Variants in SH2B2 observed in about 807,000 individuals in gnomAD.
SH2B2 encodes SH2B adapter protein 2.
A neutral mutation model predicts 35.7 loss-of-function variants in SH2B2; 37 were observed. The ratio of observed to expected loss-of-function variants is 1.04; its 90% confidence interval spans 0.80 to 1.36. The LOEUF is 1.36. SH2B2 is among the 40% of genes most tolerant of loss of function. The pLI is 0.00. For synonymous variants in SH2B2, 383 were observed against 376.4 expected (o/e 1.02, Z -0.20); for missense variants, 852 against 817.7 (o/e 1.04, Z -0.51).
chr7:102,285,207 C>A, upstream of SH2B2: 6 of 1,551,286 alleles, frequency 3.9e-6, no homozygotes, highest in Non-Finnish European at 3.5e-6. Flanking sequence ...TCAGGACCCT[C>A]TCTGGCCGCT....
chr7:102,307,371 C>T (rs1223297630), intron 3 of SH2B2, among the ~76,000 whole-genome samples: 1 of 152,210 alleles, frequency 6.6e-6, no homozygotes, highest in Non-Finnish European at 1.5e-5. Context: ...GAGCTGTGGT[C>T]CCTGGGCATC....
chr7:102,309,294 C>T (rs1463369194), intron 4 of SH2B2: 2 of 388,460 alleles, frequency 5.1e-6, no homozygotes, highest in East Asian at 6.9e-5. Flanking sequence ...GGGAGGACCG[C>T]TTGAGCCAGG....
intron 2 of SH2B2, among the ~76,000 whole-genome samples, chr7:102,304,789 A>G (rs1289983243): frequency 6.6e-6 from 1 of 152,212 alleles, no homozygotes; most frequent in Non-Finnish European, 1.5e-5. Flanking sequence ...GGCCGGCACG[A>G]TGGCCACACA....
intron 4 of SH2B2, among the ~76,000 whole-genome samples, chr7:102,313,954 G>A (rs893539981): frequency 1.7e-4 from 26 of 152,106 alleles, no homozygotes; most frequent in Non-Finnish European, 8.8e-5. Context: ...ACTACGTTTT[G>A]GGAAAAGGGG....
chr7:102,310,854 A>T (rs1554555915), intron 4 of SH2B2, among the ~76,000 whole-genome samples: 1 of 152,056 alleles, frequency 6.6e-6, no homozygotes, highest in South Asian at 2.1e-4. Context: ...TCATGTCACA[A>T]ATCGGGAGAG....
At chr7:102,313,318 C>T (rs1311798874) in intron 4 of SH2B2, among the ~76,000 whole-genome samples, 1 of 151,050 alleles carries the variant, frequency 6.6e-6, no homozygotes, top group African/African-American at 2.4e-5. Flanking sequence ...CATGGTGGCG[C>T]ATGCTTGTGA....
chr7:102,290,618 C>T (rs1320643072), intron 1 of SH2B2, among the ~76,000 whole-genome samples: 1 of 152,228 alleles, frequency 6.6e-6, no homozygotes, highest in Non-Finnish European at 1.5e-5. Context: ...GTCTGACACA[C>T]AGTGGGAGCT....
intron 1 of SH2B2, among the ~76,000 whole-genome samples, chr7:102,288,490 A>T (rs1449243943): frequency 6.6e-6 from 1 of 152,070 alleles, no homozygotes; most frequent in Non-Finnish European, 1.5e-5. Flanking sequence ...GCTTCTAGGT[A>T]ATCAAGGGTT....
rs1328579599 is a variant in SH2B2, at chr7:102,314,392, G to A, written c.980G>A (p.Arg327His). 4.8e-5 allele frequency: 19 copies of A among 398,704 alleles called. No homozygotes were observed. In the Admixed American group the frequency reaches 7.0e-4, roughly 15 times the overall value. 24.7% of individuals were successfully genotyped at this position (398,704 alleles called of 1,614,324 possible). ...ACCCGAGGAGGCTGTCTGGCCAGCC[G>A]CGTGGCCTCCTGCAGCTGTGAGCTC... ...SCTRGGCLAS[R>H]VASCSCELLT... The change falls in exon 5 of 9, where the codon CGC becomes CAC. Residue 327 changes from arginine (R) to histidine (H), a missense_variant. Transcript: ENST00000444095.
chr7:102,311,429 A>T (rs1293795730), intron 4 of SH2B2, among the ~76,000 whole-genome samples: 2 of 151,436 alleles, frequency 1.3e-5, no homozygotes, highest in African/African-American at 4.9e-5. Flanking sequence ...TAATTTTTAT[A>T]TTTTTAGCAG....
intron 1 of SH2B2, among the ~76,000 whole-genome samples, chr7:102,295,470 T>C (rs975344288): frequency 6.6e-6 from 1 of 152,112 alleles, no homozygotes; most frequent in African/African-American, 2.4e-5. Flanking sequence ...GCTCGTGACC[T>C]TCCCTGGAGG....
intron 1 of SH2B2, among the ~76,000 whole-genome samples, chr7:102,288,150 G>A (rs1345056933): frequency 6.6e-6 from 1 of 152,102 alleles, no homozygotes; most frequent in Non-Finnish European, 1.5e-5. Context: ...AGGGGGTGTG[G>A]TTTCCCCAAG....
chr7:102,317,046 C>G, intron 6 of SH2B2, 141 bp from the exon 7 acceptor site: 3 of 740,000 alleles, frequency 4.1e-6, no homozygotes, highest in Non-Finnish European at 4.2e-6. Flanking sequence ...AAACTAAAAA[C>G]CAACCAACTT....
At chr7:102,302,045 A>G (rs1400827583) in intron 2 of SH2B2, among the ~76,000 whole-genome samples, 1 of 152,212 alleles carries the variant, frequency 6.6e-6, no homozygotes, top group Non-Finnish European at 1.5e-5. Context: ...TTTTTCGTAA[A>G]GACGGGATCT....
rs1302062041 is a variant in SH2B2 at position 102,317,493 on chromosome 7, G to A, written c.1395+98G>A. 8 of 1,177,502 alleles carry A rather than the reference G, an allele frequency of 6.8e-6. No individual in the cohort carries two copies. The African/African-American group carries it at 9.3e-5, about 14-fold the overall frequency. 72.9% of individuals were successfully genotyped at this position (1,177,502 alleles called of 1,614,324 possible). On this transcript the variant is annotated intron_variant, in intron 7 of 8. Coordinates refer to ENST00000444095, the MANE Select transcript of SH2B2 (RefSeq NM_001359228.2). ...CTGAGGCTGTGCCCTGGAAGCAGCT[G>A]CAGGCGAACAGGTGTGGCATGACTT...
At chr7:102,285,313 C>A, upstream of SH2B2, 2 of 1,275,124 alleles carry the variant, frequency 1.6e-6, no homozygotes, top group Non-Finnish European at 2.2e-6. Flanking sequence ...GAGACCACAA[C>A]CAGGCCATGT....
intron 1 of SH2B2, among the ~76,000 whole-genome samples, chr7:102,299,245 C>T (rs1389853595): frequency 8.9e-6 from 1 of 112,722 alleles, no homozygotes; most frequent in Admixed American, 1.2e-4. Context: ...GTCACCTAGG[C>T]TGGAGTGCAG....
chr7:102,303,997 T>C (rs1219527948), intron 2 of SH2B2, among the ~76,000 whole-genome samples: 2 of 152,096 alleles, frequency 1.3e-5, no homozygotes, highest in Admixed American at 1.3e-4. Context: ...CATTTGTGGG[T>C]ATTCAGGAGT....
Position 102,300,639 on chromosome 7 carries a change from A to C in SH2B2, c.89A>C (p.His30Pro). ...VPDWRQFCEL[H>P]AQAAAVDFAH... ...GACTGGCGGCAGTTCTGCGAGCTGC[A>C]TGCGCAGGCGGCCGCCGTGGACTTT... The change falls in exon 2 of 9, where the codon CAT becomes CCT. Residue 30 changes from histidine (H) to proline (P), a missense_variant. By Grantham distance (77) the His-to-Pro change is moderately conservative. This residue lies in a region of SH2B2 where 294 missense variants were observed against 286.6 expected (regional missense o/e 1.03). Transcript: ENST00000444095. The C allele has an allele frequency of 6.5e-7, 1 of 1,550,202 alleles. No homozygotes were observed. The highest frequency in any genetic ancestry group is 8.7e-7 in the Non-Finnish European group (1 of 1,145,740).
Sources: gnomAD v4.1 joint callset for allele counts (sites outside exome capture counted in the v4.1 genomes callset) on GRCh38, gnomAD v4.1.1 for gene constraint, gnomAD v4.1.1 regional missense constraint, MANE v1.5 for transcripts, NCBI Gene and HGNC (gene_info 2026-07-23, HGNC 2026-07-21) for gene names.